SLC17A5: variants seen among roughly 807,000 people sequenced by gnomAD.
SLC17A5 encodes sialin.
A neutral mutation model predicts 59.4 loss-of-function variants in SLC17A5; 47 were observed. That is an observed-to-expected ratio of 0.79 (90% CI 0.63 to 1.01). The LOEUF (loss-of-function observed/expected upper bound fraction) is 1.01. SLC17A5 is among the 50% of genes least tolerant of loss of function. The pLI is 0.00. For missense variants in SLC17A5, 522 were observed against 595.5 expected (o/e 0.88, Z 1.28); for synonymous variants, 202 against 210.7 (o/e 0.96, Z 0.36).
intron 7 of SLC17A5, among the ~76,000 whole-genome samples, chr6:73,615,707 T>C (rs1767823373): frequency 6.6e-6 from 1 of 152,116 alleles, no homozygotes; most frequent in East Asian, 1.9e-4. Flanking sequence ...ATCTTGACTG[T>C]TTCTCTGGGA....
chr6:73,642,339 T>G (rs1452031728), intron 2 of SLC17A5, among the ~76,000 whole-genome samples: 1 of 152,072 alleles, frequency 6.6e-6, no homozygotes, highest in Non-Finnish European at 1.5e-5. Flanking sequence ...CAGAAAGCTA[T>G]TAAGCAGAAA....
intron 1 of SLC17A5, among the ~76,000 whole-genome samples, chr6:73,645,082 G>A (rs1463673569): frequency 1.3e-5 from 2 of 152,086 alleles, no homozygotes; most frequent in Admixed American, 6.6e-5. Context: ...AAGATATACG[G>A]CATGAGAAAA....
intron 6 of SLC17A5, among the ~76,000 whole-genome samples, chr6:73,627,545 A>G (rs6930178): frequency 0.16 from 24,828 of 151,864 alleles, 3,136 homozygotes; most frequent in African/African-American, 0.35. Flanking sequence ...ACACACTACT[A>G]TCTTGCCAAT....
At chr6:73,595,933 C>CAT (rs1215120613) in intron 10 of SLC17A5, among the ~76,000 whole-genome samples, 3 of 918 alleles carry the variant, frequency 3.3e-3, no homozygotes, top group Non-Finnish European at 6.0e-3. Flanking sequence ...TATACATATA[C>CAT]ATATATATAT....
chr6:73,643,228 C>T lies in SLC17A5; in HGVS notation c.291+1179G>A, dbSNP rs534857984. Reference sequence around the variant, plus strand: ...AGGCTGGAGTGCAGTGGCGCGATCTCGGCTCACTGCAGGCTCCACCCCTTG... The same window carrying T: ...AGGCTGGAGTGCAGTGGCGCGATCTTGGCTCACTGCAGGCTCCACCCCTTG... On this transcript the variant is annotated intron_variant, in intron 2 of 10. Transcript: ENST00000355773. Among the ~76,000 whole-genome samples the T allele has an allele frequency of 2.5e-3, 378 of 151,582 alleles. 1 individual carries two copies. Among genetic ancestry groups the T allele is most frequent in the African/African-American group, 8.2e-3 (339 of 41,324 alleles).
intron 6 of SLC17A5, among the ~76,000 whole-genome samples, chr6:73,629,632 G>A (rs1581977550): frequency 1.3e-5 from 2 of 151,872 alleles, no homozygotes; most frequent in Admixed American, 6.6e-5. Flanking sequence ...AAAATTAGCT[G>A]GGCGTGGTGG....
At chr6:73,601,084 A>T (rs1467282082) in intron 9 of SLC17A5, among the ~76,000 whole-genome samples, 1 of 135,572 alleles carries the variant, frequency 7.4e-6, no homozygotes, top group Non-Finnish European at 1.6e-5. Context: ...CCGCCATCCC[A>T]TCTAGGAAGT....
At chr6:73,650,167 C>A (rs1273875038) in intron 1 of SLC17A5, among the ~76,000 whole-genome samples, 1 of 147,084 alleles carries the variant, frequency 6.8e-6, no homozygotes, top group Non-Finnish European at 1.5e-5. Flanking sequence ...TTGAGACCAG[C>A]CTGAGCAACT....
At chr6:73,607,728 C>T (rs937043278) in intron 9 of SLC17A5, among the ~76,000 whole-genome samples, 4 of 151,836 alleles carry the variant, frequency 2.6e-5, no homozygotes, top group South Asian at 2.1e-4. Flanking sequence ...GGGTGACTTA[C>T]CACCTTCTGG....
intron 9 of SLC17A5, 42 bp from the exon 10 acceptor site, chr6:73,600,483 A>G: frequency 7.2e-7 from 1 of 1,393,104 alleles, no homozygotes; most frequent in Non-Finnish European, 1.0e-6. Flanking sequence ...TGTGATACAC[A>G]TTTAAACAGC....
At chr6:73,595,569 G>C (rs895331821) in intron 10 of SLC17A5, among the ~76,000 whole-genome samples, 1 of 152,166 alleles carries the variant, frequency 6.6e-6, no homozygotes, top group Non-Finnish European at 1.5e-5. Flanking sequence ...CTTGGTGAGG[G>C]TGAAGGAAAA....
chr6:73,601,385 G>A (rs1472728872), intron 9 of SLC17A5, among the ~76,000 whole-genome samples: 6 of 146,660 alleles, frequency 4.1e-5, no homozygotes, highest in South Asian at 2.2e-4. Context: ...GTCTCCGCCC[G>A]GCAGCCGCCC....
At chr6:73,618,153 C>T (rs9446949) in intron 7 of SLC17A5, among the ~76,000 whole-genome samples, 24,570 of 150,706 alleles carry the variant, frequency 0.16, 3,051 homozygotes, top group African/African-American at 0.34. Context: ...CGCTTGAACC[C>T]GGGAGGTGGA....
intron 6 of SLC17A5, among the ~76,000 whole-genome samples, chr6:73,632,216 T>C (rs574395296): frequency 1.4e-5 from 2 of 147,812 alleles, no homozygotes; most frequent in Non-Finnish European, 3.0e-5. Context: ...GGAAGACTGC[T>C]TGAACCTGTA....
At chr6:73,635,351 CATT>C in intron 6 of SLC17A5, 28 bp downstream of exon 6, 2 of 1,230,202 alleles carry the variant, frequency 1.6e-6, no homozygotes, top group African/African-American at 3.0e-5. Context: ...AAGTTTCTGA[CATT>C]ATTTTTAAAA....
intron 9 of SLC17A5, among the ~76,000 whole-genome samples, chr6:73,609,578 A>AG (rs1767553531): frequency 6.6e-6 from 1 of 152,182 alleles, no homozygotes; most frequent in African/African-American, 2.4e-5. Context: ...CATTCATCTG[A>AG]CAAAATGCCT....
chr6:73,647,773 G>C (rs930744770), intron 1 of SLC17A5, among the ~76,000 whole-genome samples: 6 of 152,024 alleles, frequency 3.9e-5, no homozygotes, highest in African/African-American at 1.4e-4. Flanking sequence ...TCAGTAATTA[G>C]AAAATAAAAA....
At position 73,619,699 on chromosome 6, in the gene SLC17A5, CTTTTAA is replaced by C. The variant is rs1350538549; in HGVS notation, c.978+2099_978+2104del. ...GAAAGAAGGTCCTATATTCACATTT[CTTTTAA>C]TTTTAATTAAGATAAACCTTTTTGT... On this transcript the variant is annotated intron_variant, in intron 7 of 10. Coordinates refer to ENST00000355773, the MANE Select transcript of SLC17A5 (RefSeq NM_012434.5). Among the ~76,000 whole-genome samples the C allele has an allele frequency of 3.3e-5, 5 of 151,966 alleles. No individual in the cohort carries two copies. In the East Asian group the frequency reaches 9.6e-4, roughly 29 times the overall value.
intron 6 of SLC17A5, among the ~76,000 whole-genome samples, chr6:73,627,079 A>ATTT (rs59361120): frequency 0.14 from 19,144 of 139,310 alleles, 1,711 homozygotes; most frequent in African/African-American, 0.25. Context: ...GCCAGAACTA[A>ATTT]TTTTTTTTTT....
Sources: allele counts gnomAD v4.1 joint callset (sites outside exome capture counted in the v4.1 genomes callset), GRCh38; gene constraint gnomAD v4.1.1; transcripts MANE v1.5; gene names NCBI Gene and HGNC (gene_info 2026-07-23, HGNC 2026-07-21).